Variants in MTA3 observed in about 807,000 individuals in gnomAD.
The protein encoded by MTA3 is metastasis associated 1 family member 3, also known as metastasis-associated protein MTA3.
A neutral mutation model predicts 83.5 loss-of-function variants in MTA3; 34 were observed. The ratio of observed to expected loss-of-function variants is 0.41; its 90% CI spans 0.31 to 0.54. The LOEUF (loss-of-function observed/expected upper bound fraction) is 0.54, where lower values mean the gene tolerates loss of function less well. MTA3 is among the 20% of genes least tolerant of loss of function. The probability of loss-of-function intolerance (pLI) is 0.33; values close to 1 mark genes in which losing one functional copy is unlikely to be tolerated. For synonymous variants in MTA3, 303 were observed against 252.7 expected (o/e 1.20, Z -1.89); for missense variants, 761 against 726.4 (o/e 1.05, Z -0.55).
chr2:42,706,461 A>G (rs35628532), intron 12 of MTA3, among the ~76,000 whole-genome samples: 7,787 of 152,336 alleles, frequency 0.051, 256 homozygotes, highest in Middle Eastern at 0.099. Flanking sequence ...ATGGGTGTAC[A>G]GTGTTATTCC....
At chr2:42,590,819 C>G (rs1290904895) in intron 3 of MTA3, among the ~76,000 whole-genome samples, 1 of 152,030 alleles carries the variant, frequency 6.6e-6, no homozygotes, top group Non-Finnish European at 1.5e-5. Context: ...CAGGGTTTCA[C>G]CACATTGGCC....
At chr2:42,720,767 G>A (rs1473880729) in intron 15 of MTA3, among the ~76,000 whole-genome samples, 1 of 151,740 alleles carries the variant, frequency 6.6e-6, no homozygotes. Context: ...GGGTAACATA[G>A]CAAAACCCTG....
intron 8 of MTA3, among the ~76,000 whole-genome samples, chr2:42,677,074 C>T (rs1204188158): frequency 6.6e-6 from 1 of 152,034 alleles, no homozygotes; most frequent in Non-Finnish European, 1.5e-5. Flanking sequence ...CTATACCTAA[C>T]ATAAGGTTTA....
intron 16 of MTA3, among the ~76,000 whole-genome samples, chr2:42,742,716 T>A (rs1669122007): frequency 6.6e-6 from 1 of 152,262 alleles, no homozygotes; most frequent in South Asian, 2.1e-4. Flanking sequence ...ATTCTACCTC[T>A]GACTTAAAGA....
At chr2:42,692,157 C>A (rs915112639) in intron 9 of MTA3, among the ~76,000 whole-genome samples, 5 of 152,024 alleles carry the variant, frequency 3.3e-5, no homozygotes, top group Non-Finnish European at 5.9e-5. Context: ...TGGTTTTATT[C>A]TTTGCTTTTT....
chr2:42,614,350 G>A (rs1309495994), intron 4 of MTA3, among the ~76,000 whole-genome samples: 1 of 152,212 alleles, frequency 6.6e-6, no homozygotes, highest in Non-Finnish European at 1.5e-5. Context: ...ACCCGCCTCA[G>A]TCTCCCAAAG....
intron 2 of MTA3, among the ~76,000 whole-genome samples, chr2:42,575,247 A>G (rs557362015): frequency 1.3e-5 from 2 of 151,972 alleles, no homozygotes; most frequent in African/African-American, 4.8e-5. Flanking sequence ...TCTTTTTTCC[A>G]TATCATTTAT....
intron 14 of MTA3, among the ~76,000 whole-genome samples, chr2:42,713,930 A>G (rs1666832798): frequency 6.6e-6 from 1 of 152,200 alleles, no homozygotes; most frequent in Non-Finnish European, 1.5e-5. Context: ...TCCTTACAAG[A>G]TAGATCCCTA....
At chr2:42,739,807 C>T (rs1668891443) in intron 16 of MTA3, among the ~76,000 whole-genome samples, 2 of 152,238 alleles carry the variant, frequency 1.3e-5, no homozygotes, top group Non-Finnish European at 1.5e-5. Flanking sequence ...ACAGCGTGTT[C>T]AGGAGTAGTT....
At chr2:42,507,626 GAA>G (rs759165343) in intron 2 of MTA3, among the ~76,000 whole-genome samples, 1 of 139,736 alleles carries the variant, frequency 7.2e-6, no homozygotes, top group Non-Finnish European at 1.6e-5. Flanking sequence ...TGTTTTTAAT[GAA>G]AAAAAAAAAG....
chr2:42,732,099 C>A (rs945687062), intron 16 of MTA3, among the ~76,000 whole-genome samples: 1 of 152,170 alleles, frequency 6.6e-6, no homozygotes, highest in African/African-American at 2.4e-5. Context: ...GTGTGGAGGA[C>A]GGTGGCCCTC....
At chr2:42,553,154 A>G (rs979289428) in intron 2 of MTA3, among the ~76,000 whole-genome samples, 1 of 149,844 alleles carries the variant, frequency 6.7e-6, no homozygotes, top group Non-Finnish European at 1.5e-5. Flanking sequence ...GGCCGGGCGC[A>G]GTGGCTCAAG....
chr2:42,739,508 G>A (rs1668867695), intron 16 of MTA3, among the ~76,000 whole-genome samples: 1 of 151,500 alleles, frequency 6.6e-6, no homozygotes, highest in African/African-American at 2.4e-5. Flanking sequence ...TTTTGCTGCT[G>A]GAAGGTCTTG....
Position 42,557,235 on chromosome 2 carries a change from C to T in MTA3, c.-140-13202C>T, listed in dbSNP as rs955270088. ...TTCAGCCTGGGAGGAGCCGAGATCG[C>T]GCCACTGCACTCCAGCCTGGGCAAC... On this transcript the variant is annotated intron_variant, in intron 2 of 17. Coordinates refer to the MTA3 transcript ENST00000405592. Among the ~76,000 whole-genome samples the T allele has an allele frequency of 1.1e-4, 17 of 151,812 alleles. 1 individual carries two copies. The highest frequency in any genetic ancestry group is 4.1e-4 in the African/African-American group (17 of 41,368).
At chr2:42,679,174 A>G (rs1691647049) in intron 8 of MTA3, among the ~76,000 whole-genome samples, 1 of 152,238 alleles carries the variant, frequency 6.6e-6, no homozygotes, top group Admixed American at 6.5e-5. Flanking sequence ...TAATGAAGGT[A>G]AAATGAATTC....
At chr2:42,619,980 T>C (rs1049945709) in intron 4 of MTA3, among the ~76,000 whole-genome samples, 3 of 152,218 alleles carry the variant, frequency 2.0e-5, no homozygotes, top group Non-Finnish European at 2.9e-5. Flanking sequence ...TTATTAGCTT[T>C]AATAAATTTT....
At chr2:42,628,476 C>T (rs1166978222) in intron 4 of MTA3, among the ~76,000 whole-genome samples, 2 of 152,122 alleles carry the variant, frequency 1.3e-5, no homozygotes, top group African/African-American at 4.8e-5. Context: ...TCAGGTAATA[C>T]GCCTGCCTCA....
chr2:42,674,140 A>G (rs548969813), intron 8 of MTA3, among the ~76,000 whole-genome samples: 1 of 152,218 alleles, frequency 6.6e-6, no homozygotes, highest in Non-Finnish European at 1.5e-5. Context: ...GGCAAGGCCA[A>G]ATGTGCAAAC....
intron 14 of MTA3, among the ~76,000 whole-genome samples, chr2:42,715,492 A>G (rs1283367668): frequency 1.4e-5 from 2 of 143,170 alleles, no homozygotes; most frequent in East Asian, 4.1e-4. Context: ...GGCTCACTAT[A>G]GCCTCTAACT....
Sources: gnomAD v4.1 joint callset for allele counts (sites outside exome capture counted in the v4.1 genomes callset) on GRCh38, gnomAD v4.1.1 for gene constraint, MANE v1.5 for transcripts, NCBI Gene and HGNC (gene_info 2026-07-23, HGNC 2026-07-21) for gene names.